SORCS1: variants seen among roughly 807,000 people sequenced by gnomAD.
SORCS1 encodes VPS10 domain-containing receptor SorCS1.
A neutral mutation model predicts 146.1 loss-of-function variants in SORCS1; 60 were observed. The ratio of observed to expected loss-of-function variants is 0.41; its 90% CI spans 0.33 to 0.51. SORCS1 has a LOEUF of 0.51. SORCS1 is among the 20% of genes least tolerant of loss of function. SORCS1 has a pLI of 0.21. For synonymous variants in SORCS1, 637 were observed against 584.0 expected, an observed-to-expected ratio of 1.09 and a Z score of -1.31; for missense variants, 1,352 against 1,487.6, an observed-to-expected ratio of 0.91 and a Z score of 1.50.
At chr10:106,838,919 TG>T (rs936418327) in intron 2 of SORCS1, among the ~76,000 whole-genome samples, 16 of 152,210 alleles carry the variant, frequency 1.1e-4, no homozygotes, top group Non-Finnish European at 4.4e-5. Flanking sequence ...ATAATCATTT[TG>T]GGGTGCCCTG....
chr10:107,034,695 A>AAAAAAAC (rs1564953066), intron 1 of SORCS1, among the ~76,000 whole-genome samples: 1 of 145,998 alleles, frequency 6.8e-6, no homozygotes, highest in African/African-American at 2.5e-5. Context: ...AAAAAAAAAA[A>AAAAAAAC]AAAAAAAAAA....
intron 1 of SORCS1, among the ~76,000 whole-genome samples, chr10:107,004,968 T>C (rs1417556474): frequency 2.0e-5 from 3 of 152,072 alleles, no homozygotes; most frequent in Non-Finnish European, 4.4e-5. Context: ...GATTAAACTT[T>C]CTCCAGTTGC....
chr10:106,950,542 T>C (rs544265168), intron 2 of SORCS1, among the ~76,000 whole-genome samples: 2 of 152,258 alleles, frequency 1.3e-5, no homozygotes, highest in East Asian at 1.9e-4. Flanking sequence ...CTGCTCAGAA[T>C]GTTACAGCAC....
intron 1 of SORCS1, among the ~76,000 whole-genome samples, chr10:107,117,181 G>T (rs1315200113): frequency 6.6e-6 from 1 of 152,168 alleles, no homozygotes; most frequent in Non-Finnish European, 1.5e-5. Context: ...AGATTAATAT[G>T]GGTGTGAACT....
intron 3 of SORCS1, among the ~76,000 whole-genome samples, chr10:106,805,988 A>G (rs2136700653): frequency 6.8e-6 from 1 of 147,366 alleles, no homozygotes; most frequent in Non-Finnish European, 1.5e-5. Flanking sequence ...TGAACCCGGG[A>G]GGCAGAGCTT....
chr10:106,961,866 TG>T (rs1165239471), intron 1 of SORCS1, among the ~76,000 whole-genome samples: 1 of 152,234 alleles, frequency 6.6e-6, no homozygotes, highest in Non-Finnish European at 1.5e-5. Flanking sequence ...CTCTGGGCTC[TG>T]GGTTAGCCCT....
At chr10:106,876,999 G>C (rs544671768) in intron 2 of SORCS1, among the ~76,000 whole-genome samples, 1 of 152,262 alleles carries the variant, frequency 6.6e-6, no homozygotes, top group East Asian at 1.9e-4. Context: ...AAAGTGCCTA[G>C]CATAAAGTCT....
In SORCS1 at chr10:107,161,690, C is replaced by CA. The variant is rs11287858; in HGVS notation, c.558+2278dup. Reference sequence around the variant, plus strand: ...TCTGCTTTGCATTCTACAAAACGGCCAAAAAAAAAAAGTTTATTTATGCTT... The same window carrying CA: ...TCTGCTTTGCATTCTACAAAACGGCCAAAAAAAAAAAAGTTTATTTATGCTT... On this transcript the variant is annotated intron_variant, in intron 1 of 25. Coordinates refer to ENST00000263054, the MANE Select transcript of SORCS1 (RefSeq NM_052918.5). Among the ~76,000 whole-genome samples the CA allele has an allele frequency of 6.1e-3, 890 of 144,836 alleles. 8 individuals carry two copies. Among genetic ancestry groups the CA allele is most frequent in the African/African-American group, 0.018 (723 of 39,908 alleles).
intron 1 of SORCS1, among the ~76,000 whole-genome samples, chr10:107,130,620 G>C (rs1012642699): frequency 6.6e-6 from 1 of 152,162 alleles, no homozygotes. Flanking sequence ...AAAATGTAAA[G>C]TCTTTCGACT....
intron 18 of SORCS1, among the ~76,000 whole-genome samples, chr10:106,641,696 A>G (rs562425249): frequency 1.1e-4 from 17 of 152,328 alleles, no homozygotes; most frequent in Non-Finnish European, 1.8e-4. Flanking sequence ...GGGAACTGCA[A>G]TCAGGAGTGA....
rs1301971126 is a variant in SORCS1, at chr10:107,164,671, G to C, written c.-145C>G. ...GGTGGGGGCGGGCGGAGGCGGCGCCGGGCAGGTGGCGGCCGCTTGCCCGGG... is the reference window on the plus strand; with the variant it reads ...GGTGGGGGCGGGCGGAGGCGGCGCCCGGCAGGTGGCGGCCGCTTGCCCGGG... On this transcript the variant is annotated 5_prime_UTR_variant, in exon 1 of 26. Transcript: ENST00000263054. This position sits in a 1 kb window ranked among gnomAD's most constrained non-coding sequence, Gnocchi z 6.8. 3.2e-6 allele frequency: 2 copies of C among 621,178 alleles called. No homozygotes were observed. Among genetic ancestry groups the C allele is most frequent in the South Asian group, 7.2e-5 (1 of 13,880 alleles). The allele number at this position is 621,178 out of a possible 1,614,324, so 38.5% of individuals were successfully genotyped here.
chr10:106,592,109 A>G (rs1845637506), intron 24 of SORCS1, among the ~76,000 whole-genome samples: 1 of 152,188 alleles, frequency 6.6e-6, no homozygotes, highest in Non-Finnish European at 1.5e-5. Context: ...AACCTTCTGG[A>G]TAACATGTTT....
chr10:106,727,050 C>T (rs1856250390), intron 6 of SORCS1, among the ~76,000 whole-genome samples: 1 of 149,966 alleles, frequency 6.7e-6, no homozygotes, highest in Non-Finnish European at 1.5e-5. Context: ...AGTGCCACTG[C>T]ACTCCAGCCT....
intron 1 of SORCS1, among the ~76,000 whole-genome samples, chr10:107,150,083 T>A (rs1968652231): frequency 6.6e-6 from 1 of 152,222 alleles, no homozygotes; most frequent in South Asian, 2.1e-4. Flanking sequence ...TATGCACTTA[T>A]CACAGTAAAT....
intron 1 of SORCS1, among the ~76,000 whole-genome samples, chr10:106,957,690 C>A (rs916685723): frequency 1.3e-5 from 2 of 151,918 alleles, no homozygotes; most frequent in Non-Finnish European, 2.9e-5. Context: ...CAGAGAAAAT[C>A]AAAAATTAGG....
At chr10:106,779,854 TATAATGTA>T (rs1860758306) in intron 3 of SORCS1, among the ~76,000 whole-genome samples, 1 of 152,182 alleles carries the variant, frequency 6.6e-6, no homozygotes. Flanking sequence ...CACATGACTG[TATAATGTA>T]CTCCAATTAA....
intron 1 of SORCS1, among the ~76,000 whole-genome samples, chr10:107,078,706 T>G (rs996464586): frequency 6.6e-6 from 1 of 152,180 alleles, no homozygotes; most frequent in Non-Finnish European, 1.5e-5. Context: ...ATCAGTGAAC[T>G]TGACTTACCA....
chr10:107,148,761 C>T (rs544895457), intron 1 of SORCS1, among the ~76,000 whole-genome samples: 2 of 152,202 alleles, frequency 1.3e-5, no homozygotes, highest in African/African-American at 4.8e-5. Flanking sequence ...TTTAATCTAA[C>T]CAAATGAACA....
At chr10:106,811,592 A>T (rs958666725) in intron 3 of SORCS1, among the ~76,000 whole-genome samples, 1 of 152,202 alleles carries the variant, frequency 6.6e-6, no homozygotes, top group African/African-American at 2.4e-5. Flanking sequence ...CCTCAGTAGT[A>T]ATTTAGGCAC....
Sources: allele counts gnomAD v4.1 joint callset (sites outside exome capture counted in the v4.1 genomes callset), GRCh38; gene constraint gnomAD v4.1.1; non-coding constraint Gnocchi (gnomAD v3.1); transcripts MANE v1.5; gene names NCBI Gene and HGNC (gene_info 2026-07-23, HGNC 2026-07-21).